AFF3: variants seen among roughly 807,000 people sequenced by gnomAD.
AFF3 encodes AF4/FMR2 family member 3.
A neutral mutation model predicts 129.7 loss-of-function variants in AFF3; 32 were observed. The observed-to-expected ratio is 0.25, with a 90% CI of 0.19 to 0.33. The LOEUF is 0.33. Ranked by LOEUF, AFF3 falls within the 10% of genes least tolerant of loss-of-function variation. AFF3 has a pLI of 1.00. For synonymous variants in AFF3, 644 were observed against 635.4 expected (o/e 1.01, Z -0.20); for missense variants, 1,373 against 1,592.0 (o/e 0.86, Z 2.34).
intron 4 of AFF3, among the ~76,000 whole-genome samples, chr2:100,103,727 G>C (rs892973485): frequency 1.3e-5 from 2 of 151,970 alleles, no homozygotes; most frequent in Non-Finnish European, 2.9e-5. Flanking sequence ...CGGGGCGCCC[G>C]GGTGGGGTGG....
At chr2:100,018,516 G>A (rs1683319886) in intron 4 of AFF3, among the ~76,000 whole-genome samples, 1 of 152,182 alleles carries the variant, frequency 6.6e-6, no homozygotes, top group Non-Finnish European at 1.5e-5. Flanking sequence ...GAGAACAAGT[G>A]TCAGGCTCTA....
intron 7 of AFF3, among the ~76,000 whole-genome samples, chr2:99,866,014 C>A (rs545969864): frequency 6.6e-6 from 1 of 152,198 alleles, no homozygotes; most frequent in Non-Finnish European, 1.5e-5. Context: ...GGAAAACTTT[C>A]GCAATACTCA....
At chr2:99,627,505 T>C (rs1682706134) in intron 13 of AFF3, among the ~76,000 whole-genome samples, 1 of 152,240 alleles carries the variant, frequency 6.6e-6, no homozygotes, top group South Asian at 2.1e-4. Context: ...TGCAAAAATG[T>C]TCTCCCATTA....
chr2:99,821,470 AAAAAAAAG>A (rs76591328), intron 8 of AFF3, among the ~76,000 whole-genome samples: 91,902 of 150,612 alleles, frequency 0.61, 29,561 homozygotes, highest in South Asian at 0.79. Context: ...CTGATGAGCT[AAAAAAAAG>A]AAAAAAAGAA....
At chr2:99,910,161 T>TA (rs1695015808) in intron 7 of AFF3, among the ~76,000 whole-genome samples, 1 of 152,238 alleles carries the variant, frequency 6.6e-6, no homozygotes, top group Non-Finnish European at 1.5e-5. Context: ...GACTATTCGC[T>TA]AAATATTAAT....
At position 100,071,206 on chromosome 2, in the gene AFF3, T is replaced by G. The variant is rs958667184; in HGVS notation, c.53+33196A>C. 5.3e-5 allele frequency among the ~76,000 whole-genome samples: 8 copies of G among 152,308 alleles called. No homozygotes were observed. In the East Asian group the frequency reaches 1.5e-3, roughly 29 times the overall value. ...AGGGTCTAACAGTATATGACCTGTTTCTAAGAAGAAATAGAATGTATGCAA... is the reference window on the plus strand; with the variant it reads ...AGGGTCTAACAGTATATGACCTGTTGCTAAGAAGAAATAGAATGTATGCAA... On this transcript the variant is annotated intron_variant, in intron 4 of 24. Transcript: ENST00000672756.
At chr2:100,129,959 C>T (rs1266365998) in intron 1 of AFF3, among the ~76,000 whole-genome samples, 8 of 152,198 alleles carry the variant, frequency 5.3e-5, no homozygotes, top group Non-Finnish European at 2.9e-5. Context: ...AGGTCTAACA[C>T]TCAATGAAGC....
chr2:99,739,316 G>C (rs954843403), intron 10 of AFF3, among the ~76,000 whole-genome samples: 1 of 151,974 alleles, frequency 6.6e-6, no homozygotes, highest in Non-Finnish European at 1.5e-5. Context: ...TTTTCAGTAG[G>C]GTTTTATTAC....
At chr2:99,649,742 A>G (rs1685060053) in intron 12 of AFF3, 76 bp from the exon 13 acceptor site, 1 of 1,541,130 alleles carries the variant, frequency 6.5e-7, no homozygotes, top group South Asian at 1.1e-5. Flanking sequence ...ACACTTAAAA[A>G]AAAGACCCCT....
intron 13 of AFF3, among the ~76,000 whole-genome samples, chr2:99,635,533 C>A (rs1292218739): frequency 6.6e-6 from 1 of 152,154 alleles, no homozygotes; most frequent in East Asian, 1.9e-4. Flanking sequence ...AACTCCTAGA[C>A]TCAAGCGATC....
At chr2:99,657,860 T>C (rs1404179) in intron 12 of AFF3, among the ~76,000 whole-genome samples, 148,689 of 152,356 alleles carry the variant, frequency 0.98, 72,565 homozygotes, top group East Asian at 1. Flanking sequence ...TAAGGTGGAT[T>C]CTGTTATCAA....
intron 16 of AFF3, among the ~76,000 whole-genome samples, chr2:99,586,700 G>C (rs1678154260): frequency 6.6e-6 from 1 of 152,092 alleles, no homozygotes; most frequent in Non-Finnish European, 1.5e-5. Context: ...TTTAACCTTG[G>C]GAGCACGGAC....
chr2:99,742,264 A>G (rs1214350363), intron 10 of AFF3, among the ~76,000 whole-genome samples: 2 of 152,120 alleles, frequency 1.3e-5, no homozygotes, highest in Non-Finnish European at 2.9e-5. Context: ...GGATTGCTTG[A>G]GCCCAGGAAT....
chr2:99,969,905 T>C (rs927815569), intron 7 of AFF3, among the ~76,000 whole-genome samples: 3 of 152,208 alleles, frequency 2.0e-5, no homozygotes, highest in South Asian at 2.1e-4. Context: ...TTAGAACTTA[T>C]GAAATTTTAC....
At chr2:100,020,054 CCA>C (rs1683460202) in intron 4 of AFF3, among the ~76,000 whole-genome samples, 1 of 152,182 alleles carries the variant, frequency 6.6e-6, no homozygotes, top group African/African-American at 2.4e-5. Context: ...CTCTTATCAG[CCA>C]CAGTTTTCTG....
intron 7 of AFF3, among the ~76,000 whole-genome samples, chr2:99,876,976 T>C (rs1167118728): frequency 1.3e-5 from 2 of 151,972 alleles, no homozygotes; most frequent in Non-Finnish European, 2.9e-5. Context: ...GGCAAAAGAG[T>C]AGAAACTGAA....
intron 7 of AFF3, among the ~76,000 whole-genome samples, chr2:99,979,198 T>C (rs188531852): frequency 1.3e-5 from 2 of 152,304 alleles, no homozygotes; most frequent in East Asian, 1.9e-4. Flanking sequence ...CAGTGTGTTA[T>C]ATACAGTGTG....
intron 11 of AFF3, among the ~76,000 whole-genome samples, chr2:99,685,569 G>C (rs907544935): frequency 2.0e-5 from 3 of 152,116 alleles, no homozygotes; most frequent in African/African-American, 4.8e-5. Flanking sequence ...GGTATATTTC[G>C]AGTTTATATA....
At chr2:99,766,448 T>C (rs1003036642) in intron 8 of AFF3, among the ~76,000 whole-genome samples, 2 of 152,160 alleles carry the variant, frequency 1.3e-5, no homozygotes, top group East Asian at 1.9e-4. Context: ...CAGGATGACT[T>C]TATAGGAAAC....
Sources: gnomAD v4.1 joint callset for allele counts (sites outside exome capture counted in the v4.1 genomes callset) on GRCh38, gnomAD v4.1.1 for gene constraint, MANE v1.5 for transcripts, NCBI Gene and HGNC (gene_info 2026-07-23, HGNC 2026-07-21) for gene names.